CATSPER2: variants seen among roughly 807,000 people sequenced by gnomAD.
The protein encoded by CATSPER2 is cation channel sperm associated 2.
Under a neutral mutation model 68.8 loss-of-function variants are expected in CATSPER2, and 56 were observed. The ratio of observed to expected loss-of-function variants is 0.81; its 90% confidence interval spans 0.66 to 1.02. The LOEUF is 1.02. Among genes scored for constraint, CATSPER2 ranks in the 50% least tolerant of loss-of-function variants. The probability of loss-of-function intolerance (pLI) is 0.00; values close to 1 mark genes in which losing one functional copy is unlikely to be tolerated. For missense variants in CATSPER2, 582 were observed against 642.0 expected (o/e 0.91, Z 1.01); for synonymous variants, 198 against 229.9 (o/e 0.86, Z 1.26).
intron 7 of CATSPER2, 23 bp downstream of exon 7, chr15:43,638,881 C>A: frequency 6.2e-7 from 1 of 1,612,132 alleles, no homozygotes; most frequent in East Asian, 2.2e-5. Context: ...TCCCCTCACC[C>A]AGCTGTCCCC....
intron 12 of CATSPER2, 110 bp downstream of exon 12, chr15:43,632,089 A>G: frequency 8.1e-7 from 1 of 1,240,916 alleles, no homozygotes; most frequent in Non-Finnish European, 1.2e-6. Context: ...AGTTGTAGGC[A>G]GAAATTGAGA....
At chr15:43,644,108 C>T (rs898669880) in intron 4 of CATSPER2, among the ~76,000 whole-genome samples, 4 of 151,838 alleles carry the variant, frequency 2.6e-5, no homozygotes, top group Admixed American at 1.3e-4. Context: ...TTAAAATAAG[C>T]CAATTGGTGT....
chr15:43,630,788 A>G lies in CATSPER2; in HGVS notation c.1562-56T>C, dbSNP rs1480042520. On this transcript the variant is annotated intron_variant, in intron 12 of 12. Transcript: ENST00000396879. ...AGCTAAGAATATTCTACATATATAA[A>G]TGTTTGGTGAAGACCTTGCTTTTCT... 3 of 1,611,352 alleles carry G rather than the reference A, an allele frequency of 1.9e-6. 1 individual carries two copies. The highest frequency in any genetic ancestry group is 2.7e-5 in the African/African-American group (2 of 74,770).
chr15:43,632,655 T>G, intron 11 of CATSPER2, 62 bp downstream of exon 11: 3 of 1,609,210 alleles, frequency 1.9e-6, no homozygotes, highest in Non-Finnish European at 2.5e-6. Context: ...AAGACTAAGA[T>G]GTCTTAAAGA....
intron 2 of CATSPER2, among the ~76,000 whole-genome samples, chr15:43,647,694 A>G (rs1410674170): frequency 6.6e-6 from 1 of 152,010 alleles, no homozygotes; most frequent in African/African-American, 2.4e-5. Context: ...CAAAGTTTTA[A>G]GAGTCTTTGA....
chr15:43,648,739 C>A lies in CATSPER2; in HGVS notation c.-113G>T. On this transcript the variant is annotated 5_prime_UTR_variant, in exon 1 of 13. Transcript: ENST00000396879. ...GCAAGACGAGCTCAGGGCCGGCTCCCAGCCTCACTGCGCCCCATTCCCCGC... is the reference window on the plus strand; with the variant it reads ...GCAAGACGAGCTCAGGGCCGGCTCCAAGCCTCACTGCGCCCCATTCCCCGC... The A allele has an allele frequency of 6.6e-7, 1 of 1,522,472 alleles. No homozygotes were observed. Among genetic ancestry groups the A allele is most frequent in the Non-Finnish European group, 8.8e-7 (1 of 1,139,450 alleles). 94.3% of individuals were successfully genotyped at this position (1,522,472 alleles called of 1,614,324 possible). A position where few individuals can be genotyped will look rare whatever the true frequency, so the allele number is the denominator to read the frequency against.
chr15:43,635,810 A>G lies in CATSPER2; in HGVS notation c.1038T>C (p.Asn346=). The G allele has an allele frequency of 1.2e-6, 2 of 1,613,398 alleles. No individual in the cohort carries two copies. The highest frequency in any genetic ancestry group is 1.7e-6 in the Non-Finnish European group (2 of 1,179,716). Residue 346 remains asparagine, a synonymous_variant, in exon 9 of 13, where the codon AAT becomes AAC. Coordinates refer to ENST00000396879, the MANE Select transcript of CATSPER2 (RefSeq NM_172095.4). ...IVAMMVTNFQ[N]IRKELNEEMA... ...TCTCCTCATTCAGCTCTTTCCTGAT[A>G]TTCTGAAAGTTAGTAACTGCCCCAA... is the stretch of plus-strand genomic sequence containing the variant.
intron 9 of CATSPER2, 124 bp downstream of exon 9, chr15:43,635,603 A>C: frequency 9.4e-7 from 1 of 1,061,196 alleles, no homozygotes; most frequent in East Asian, 2.5e-5. Flanking sequence ...GAGCTGGAGA[A>C]TTCTTATCCT....
rs2470119 is a variant in CATSPER2 at position 43,635,536 on chromosome 15, A to C, written c.1122-120T>G. 1.2e-3 allele frequency: 1,446 copies of C among 1,227,580 alleles called. 47 individuals are homozygous for C. In the East Asian group the frequency reaches 0.03, roughly 26 times the overall value. The allele number at this position is 1,227,580 out of a possible 1,614,324, so 76.0% of individuals were successfully genotyped here. ...AATTGGGGAGAACAAATTGTAGTCA[A>C]GGGGTGAAAAAAATGGAGGACACCC... On this transcript the variant is annotated intron_variant, in intron 9 of 12. Coordinates refer to ENST00000396879, the MANE Select transcript of CATSPER2 (RefSeq NM_172095.4).
intron 9 of CATSPER2, 152 bp downstream of exon 9, chr15:43,635,575 G>C (rs1228579175): frequency 2.0e-6 from 2 of 986,452 alleles, no homozygotes; most frequent in African/African-American, 3.2e-5. Flanking sequence ...AGTGGATGAA[G>C]AATCAGGCAA....
At chr15:43,631,254 C>T (rs759820738) in intron 12 of CATSPER2, among the ~76,000 whole-genome samples, 6 of 151,982 alleles carry the variant, frequency 3.9e-5, no homozygotes, top group African/African-American at 1.2e-4. Context: ...TGTCTTGAGA[C>T]GGAGCCTCAT....
intron 7 of CATSPER2, 76 bp downstream of exon 7, chr15:43,638,828 A>C: frequency 1.3e-6 from 2 of 1,548,030 alleles, no homozygotes; most frequent in East Asian, 2.3e-5. Flanking sequence ...TTTTTATATT[A>C]CTATACTTTG....
At chr15:43,646,732 T>C (rs1595984801) in intron 4 of CATSPER2, among the ~76,000 whole-genome samples, 1 of 150,478 alleles carries the variant, frequency 6.6e-6, no homozygotes, top group Non-Finnish European at 1.5e-5. Context: ...TTTTTTTTTT[T>C]GAGACAGAGT....
rs139541328 is a variant in CATSPER2 at position 43,632,324 on chromosome 15, G to A, written c.1436C>T (p.Pro479Leu). The A allele has an allele frequency of 4.4e-5, 71 of 1,613,704 alleles. 2 individuals carry two copies. The African/African-American group carries it at 8.0e-4, about 18-fold the overall frequency. Residue 479 changes from proline to leucine, a missense_variant, in exon 12 of 13, where the codon CCC becomes CTC. Pro to Leu is a moderately conservative substitution (Grantham distance 98). Transcript: ENST00000396879. Reference protein sequence around the residue: ...DWETLVHENLPGLMEMDQDDR... With the variant: ...DWETLVHENLLGLMEMDQDDR... ...ATCCTGATCCATTTCCATTAGCCCG[G>A]GCAGATTTTCGTGCACAAGAGTCTC... is the stretch of plus-strand genomic sequence containing the variant.
In CATSPER2 at chr15:43,638,980, C is replaced by A. The variant is rs2086018857; in HGVS notation, c.766G>T (p.Ala256Ser). 1 of 1,612,942 alleles carries A rather than the reference C, an allele frequency of 6.2e-7. No individual in the cohort carries two copies. The highest frequency in any genetic ancestry group is 8.5e-7 in the Non-Finnish European group (1 of 1,179,414). ...MLLLIFFYIF[A>S]VTGVYVFSEY... ...GAGAAGACGTAGACACCAGTCACAG[C>A]AAAAATGTAGAAGAAGATGAGCAGC... is the stretch of plus-strand genomic sequence containing the variant. The change falls in exon 7 of 13, where the codon GCT becomes TCT. Residue 256 changes from alanine to serine, a missense_variant. By Grantham distance (99) the Ala-to-Ser change is moderately conservative (BLOSUM62 1). Around this residue, in one of 5 missense-constraint regions of CATSPER2, gnomAD observed 91 missense variants for 72.8 expected, o/e 1.25. Transcript: ENST00000396879.
At chr15:43,643,398 T>G (rs1463073448) in intron 4 of CATSPER2, among the ~76,000 whole-genome samples, 1 of 151,730 alleles carries the variant, frequency 6.6e-6, no homozygotes, top group Non-Finnish European at 1.5e-5. Context: ...GTCGCCCAGC[T>G]GCCATCTCGG....
rs994351435 is a variant in CATSPER2 at position 43,630,303 on chromosome 15, T to A, written c.*398A>T. On this transcript the variant is annotated 3_prime_UTR_variant, in exon 13 of 13. Coordinates refer to ENST00000396879, the MANE Select transcript of CATSPER2 (RefSeq NM_172095.4). The stretch of plus-strand genomic sequence containing the variant: ...TTGAACTAACTCTTTTACTTGACCT[T>A]ATGCCTTTCAATATCCCTTATCTCA... 10 of 293,694 alleles carry A rather than the reference T, an allele frequency of 3.4e-5. No homozygotes were observed. Among genetic ancestry groups the A allele is most frequent in the East Asian group, 8.1e-5 (1 of 12,326 alleles). The allele number at this position is 293,694 out of a possible 1,614,324, so 18.2% of individuals were successfully genotyped here.
At chr15:43,634,113 CCACTACTA>C in intron 10 of CATSPER2, 1 of 152,088 alleles carries the variant, frequency 6.6e-6, no homozygotes, top group African/African-American at 2.4e-5. Context: ...TATCTCTTTA[CCACTACTA>C]ATATGTAAGC....
chr15:43,648,400 G>A (rs1188467535), intron 1 of CATSPER2, among the ~76,000 whole-genome samples: 6 of 152,022 alleles, frequency 3.9e-5, no homozygotes, highest in Admixed American at 6.5e-5. Context: ...GCAGGGGCCC[G>A]GGGCTGGACA....
Sources: gnomAD v4.1 joint callset for allele counts (sites outside exome capture counted in the v4.1 genomes callset) on GRCh38, gnomAD v4.1.1 for gene constraint, gnomAD v4.1.1 regional missense constraint, MANE v1.5 for transcripts, NCBI Gene and HGNC (gene_info 2026-07-23, HGNC 2026-07-21) for gene names.